DPP10: variants seen among roughly 807,000 people sequenced by gnomAD.
DPP10 encodes dipeptidyl peptidase like 10.
Under a neutral mutation model 120.9 loss-of-function variants are expected in DPP10, and 33 were observed. That is an observed-to-expected ratio of 0.27 (90% CI 0.21 to 0.37). DPP10 has a LOEUF of 0.37. Ranked by LOEUF, DPP10 falls within the 10% of genes least tolerant of loss-of-function variation. The pLI is 1.00. For synonymous variants in DPP10, 337 were observed against 326.1 expected (o/e 1.03, Z -0.36); for missense variants, 816 against 942.8 (o/e 0.87, Z 1.76).
intron 1 of DPP10, among the ~76,000 whole-genome samples, chr2:114,454,629 T>C (rs1395971534): frequency 6.6e-6 from 1 of 152,210 alleles, no homozygotes; most frequent in African/African-American, 2.4e-5. Flanking sequence ...TTCCTGTTCC[T>C]TATTATCTGG....
chr2:114,525,032 A>G (rs965977677), intron 1 of DPP10, among the ~76,000 whole-genome samples: 1 of 152,276 alleles, frequency 6.6e-6, no homozygotes, highest in South Asian at 2.1e-4. Flanking sequence ...AATGTACCCA[A>G]AATGTGTGTG....
rs1695962829 is a variant in DPP10, at chr2:114,644,402, A to C, written c.60+201564A>C. Among the ~76,000 whole-genome samples the C allele has an allele frequency of 2.6e-5, 4 of 151,314 alleles. No individual in the cohort carries two copies. In the South Asian group the frequency reaches 8.4e-4, roughly 32 times the overall value. ...TGTATTATATATACAACTAGTAGGA[A>C]ACCCCACATATCCACATATCTTTCT... On this transcript the variant is annotated intron_variant, in intron 1 of 25. Transcript: ENST00000410059.
In DPP10 at chr2:114,793,624, ATAGT is replaced by A. The variant is rs558878294; in HGVS notation, c.60+350791_60+350794del. On this transcript the variant is annotated intron_variant, in intron 1 of 25. Transcript: ENST00000410059. Reference sequence around the variant, plus strand: ...TCCTCTGCCAAAACTAGAAGATGTCATAGTTAGTCTTAATAGAATGCTATAATGT... The same window carrying A: ...TCCTCTGCCAAAACTAGAAGATGTCATAGTCTTAATAGAATGCTATAATGT... 2.1e-4 allele frequency among the ~76,000 whole-genome samples: 32 copies of A among 152,350 alleles called. No homozygotes were observed. In the East Asian group the frequency reaches 5.8e-3, roughly 28 times the overall value.
intron 1 of DPP10, among the ~76,000 whole-genome samples, chr2:115,214,903 A>AT (rs936247974): frequency 5.9e-5 from 9 of 152,144 alleles, no homozygotes; most frequent in Non-Finnish European, 1.3e-4. Context: ...TTTGGCTCTC[A>AT]TTTTTTTATC....
At chr2:115,778,293 G>C (rs946883599) in intron 15 of DPP10, among the ~76,000 whole-genome samples, 8 of 151,948 alleles carry the variant, frequency 5.3e-5, no homozygotes, top group African/African-American at 1.7e-4. Context: ...TTGTCTTGTT[G>C]TTCATAAAAC....
chr2:114,821,326 A>G (rs921885315), intron 1 of DPP10, among the ~76,000 whole-genome samples: 3 of 152,170 alleles, frequency 2.0e-5, no homozygotes, highest in African/African-American at 7.2e-5. Context: ...TAAGAGGACA[A>G]TGGTGGTGAG....
intron 17 of DPP10, among the ~76,000 whole-genome samples, chr2:115,789,554 C>T (rs1188010278): frequency 6.6e-6 from 1 of 152,158 alleles, no homozygotes; most frequent in Non-Finnish European, 1.5e-5. Context: ...TGCCTGAGGA[C>T]TGGGAAAGTC....
At chr2:114,993,913 T>C (rs1202021936) in intron 1 of DPP10, among the ~76,000 whole-genome samples, 3 of 152,134 alleles carry the variant, frequency 2.0e-5, no homozygotes, top group Middle Eastern at 3.2e-3. Context: ...CCAGCCTCAC[T>C]ATTTCCTCCT....
intron 5 of DPP10, among the ~76,000 whole-genome samples, chr2:115,538,573 T>G (rs2079001454): frequency 6.6e-6 from 1 of 151,986 alleles, no homozygotes; most frequent in South Asian, 2.1e-4. Context: ...TGATTAAACT[T>G]AACAGTGTTT....
intron 2 of DPP10, among the ~76,000 whole-genome samples, chr2:115,340,544 T>A (rs905270975): frequency 1.3e-5 from 2 of 151,936 alleles, no homozygotes; most frequent in Non-Finnish European, 2.9e-5. Context: ...GTAATATGAT[T>A]TTAAAGCTCA....
chr2:115,706,479 T>G (rs1046426930), intron 7 of DPP10, among the ~76,000 whole-genome samples: 1 of 151,916 alleles, frequency 6.6e-6, no homozygotes, highest in Non-Finnish European at 1.5e-5. Flanking sequence ...GGGTCATGCA[T>G]AATCTAATAT....
chr2:114,487,561 T>C (rs1681620177), intron 1 of DPP10, among the ~76,000 whole-genome samples: 1 of 152,228 alleles, frequency 6.6e-6, no homozygotes, highest in South Asian at 2.1e-4. Flanking sequence ...TTCAGTTAAT[T>C]GAACAATTAA....
intron 1 of DPP10, among the ~76,000 whole-genome samples, chr2:115,054,350 T>A (rs190056045): frequency 6.6e-6 from 1 of 152,318 alleles, no homozygotes; most frequent in East Asian, 1.9e-4. Flanking sequence ...CACATTTATC[T>A]CTTCCTAACA....
At chr2:115,598,213 C>T (rs1485121091) in intron 5 of DPP10, among the ~76,000 whole-genome samples, 2 of 151,504 alleles carry the variant, frequency 1.3e-5, no homozygotes, top group South Asian at 2.1e-4. Flanking sequence ...TGAACATAAT[C>T]TTTGCCTTTT....
At chr2:115,737,956 C>T (rs1480456534) in intron 8 of DPP10, among the ~76,000 whole-genome samples, 1 of 152,124 alleles carries the variant, frequency 6.6e-6, no homozygotes, top group East Asian at 1.9e-4. Context: ...TAGCGGTTGC[C>T]TCTGTCAGCA....
chr2:115,233,867 T>C, intron 1 of DPP10: 1 of 494,298 alleles, frequency 2.0e-6, no homozygotes, highest in Non-Finnish European at 4.0e-6. Context: ...TCCACACACA[T>C]ACCCCATTTC....
chr2:114,496,781 G>T (rs747458377), intron 1 of DPP10, among the ~76,000 whole-genome samples: 12 of 152,030 alleles, frequency 7.9e-5, no homozygotes, highest in African/African-American at 1.7e-4. Context: ...AACACTCAAT[G>T]AGACGCAGGA....
rs144881386 is a variant in DPP10, at chr2:115,056,058, C to T, written c.61-253181C>T. On this transcript the variant is annotated intron_variant, in intron 1 of 25. Coordinates refer to ENST00000410059, the MANE Select transcript of DPP10 (RefSeq NM_020868.6). The stretch of plus-strand genomic sequence containing the variant: ...TAATAAATAATATATTGCCAAAGGT[C>T]AAAATATTTGTTGTTTCTTTCTTCC... Among the ~76,000 whole-genome samples, 357 of 152,204 alleles carry T rather than the reference C, an allele frequency of 2.3e-3. 1 individual carries two copies. Among genetic ancestry groups the T allele is most frequent in the African/African-American group, 8.1e-3 (335 of 41,522 alleles).
Position 114,663,256 on chromosome 2 carries a change from ATATC to A in DPP10, c.60+220422_60+220425del, listed in dbSNP as rs1558980056. 2.8e-4 allele frequency among the ~76,000 whole-genome samples: 42 copies of A among 147,774 alleles called. 1 individual carries two copies. The highest frequency in any genetic ancestry group is 8.9e-4 in the African/African-American group (36 of 40,604). On this transcript the variant is annotated intron_variant, in intron 1 of 25. Transcript: ENST00000410059. ...GAGCCTTGTGTGTGTATATATATAT[ATATC>A]TATATATATATACACACACATATAT...
Sources: allele counts gnomAD v4.1 joint callset (sites outside exome capture counted in the v4.1 genomes callset), GRCh38; gene constraint gnomAD v4.1.1; transcripts MANE v1.5; gene names NCBI Gene and HGNC (gene_info 2026-07-23, HGNC 2026-07-21).